The following METTL8 variants were observed in gnomAD, a reference collection of about 807,000 sequenced individuals.
METTL8 encodes the protein tRNA N(3)-cytidine methyltransferase METTL8, mitochondrial.
METTL8 carries 32 observed loss-of-function variants against 48.7 expected under a neutral mutation model. The ratio of observed to expected loss-of-function variants is 0.66; its 90% CI spans 0.50 to 0.88. The LOEUF is 0.88. METTL8 is among the 40% of genes least tolerant of loss of function. METTL8 has a pLI of 0.00. For synonymous variants in METTL8, 136 were observed against 157.1 expected, an observed-to-expected ratio of 0.87 and a Z score of 1.01; for missense variants, 464 against 474.4, an observed-to-expected ratio of 0.98 and a Z score of 0.20.
At chr2:171,336,270 T>C (rs1213693635) in intron 5 of METTL8, among the ~76,000 whole-genome samples, 1 of 151,380 alleles carries the variant, frequency 6.6e-6, no homozygotes. Flanking sequence ...TAATTTTTTG[T>C]ATTTTTAGTA....
chr2:171,395,242 G>A (rs142812900), intron 1 of METTL8, among the ~76,000 whole-genome samples: 30 of 152,142 alleles, frequency 2.0e-4, no homozygotes, highest in African/African-American at 7.2e-4. Context: ...AACACAAAGA[G>A]GTACAGTTTA....
chr2:171,392,246 T>C, intron 1 of METTL8, 49 bp from the exon 2 acceptor site: 1 of 1,451,608 alleles, frequency 6.9e-7, no homozygotes, highest in Admixed American at 2.2e-5. Flanking sequence ...AAACAGTGTA[T>C]TGTTTATCTA....
chr2:171,368,768 G>T (rs1685981333), intron 2 of METTL8, among the ~76,000 whole-genome samples: 1 of 152,128 alleles, frequency 6.6e-6, no homozygotes, highest in Non-Finnish European at 1.5e-5. Flanking sequence ...CAGGCCCTGT[G>T]GAGCAGTCTT....
chr2:171,398,295 A>G (rs1437252990), intron 1 of METTL8, among the ~76,000 whole-genome samples: 2 of 152,224 alleles, frequency 1.3e-5, no homozygotes, highest in African/African-American at 4.8e-5. Flanking sequence ...ACATACATAT[A>G]TATGTACAAT....
intron 1 of METTL8, among the ~76,000 whole-genome samples, chr2:171,407,838 A>C (rs1474206951): frequency 6.6e-6 from 1 of 152,240 alleles, no homozygotes; most frequent in East Asian, 1.9e-4. Context: ...GCACAGATGT[A>C]ATACATAAAT....
chr2:171,343,021 AT>A (rs1384044075), intron 3 of METTL8, among the ~76,000 whole-genome samples: 1 of 152,210 alleles, frequency 6.6e-6, no homozygotes, highest in Non-Finnish European at 1.5e-5. Flanking sequence ...TAAAAAAAAA[AT>A]GTGTGTATAG....
intron 2 of METTL8, among the ~76,000 whole-genome samples, chr2:171,365,488 G>A (rs1356517147): frequency 1.3e-5 from 2 of 152,112 alleles, no homozygotes; most frequent in Non-Finnish European, 2.9e-5. Flanking sequence ...GCTCAGGGCC[G>A]TGAGCAAGCC....
At chr2:171,338,777 A>G (rs1392692327) in intron 4 of METTL8, among the ~76,000 whole-genome samples, 1 of 152,156 alleles carries the variant, frequency 6.6e-6, no homozygotes, top group Non-Finnish European at 1.5e-5. Flanking sequence ...TAAAATAAGA[A>G]AGACAGGGTT....
chr2:171,389,345 C>A (rs900853913), intron 2 of METTL8, among the ~76,000 whole-genome samples: 2 of 151,700 alleles, frequency 1.3e-5, no homozygotes, highest in East Asian at 3.9e-4. Flanking sequence ...CATGGTGAAA[C>A]CCCATCTCTA....
intron 9 of METTL8, 63 bp downstream of exon 9, chr2:171,325,778 C>T: frequency 1.0e-6 from 1 of 991,642 alleles, no homozygotes; most frequent in South Asian, 1.5e-5. Flanking sequence ...GAGCTATAAT[C>T]AATGAGATAA....
chr2:171,333,129 G>A (rs1685724276), intron 5 of METTL8, among the ~76,000 whole-genome samples: 2 of 142,254 alleles, frequency 1.4e-5, no homozygotes, highest in South Asian at 2.2e-4. Context: ...CCAGAGTTTC[G>A]CTCTTGTTGC....
At chr2:171,397,371 A>AAAC (rs1689185367) in intron 1 of METTL8, among the ~76,000 whole-genome samples, 2 of 146,790 alleles carry the variant, frequency 1.4e-5, no homozygotes, top group Non-Finnish European at 3.0e-5. Context: ...AAAAAAAAAA[A>AAAC]AAAAAAAACA....
chr2:171,379,609 A>C (rs1203705586), intron 2 of METTL8, among the ~76,000 whole-genome samples: 1 of 152,250 alleles, frequency 6.6e-6, no homozygotes, highest in Non-Finnish European at 1.5e-5. Flanking sequence ...CTACCATCAG[A>C]GAGTACTATA....
intron 2 of METTL8, among the ~76,000 whole-genome samples, chr2:171,367,046 T>C (rs1236485469): frequency 6.6e-6 from 1 of 151,896 alleles, no homozygotes; most frequent in Non-Finnish European, 1.5e-5. Flanking sequence ...TGTGGGATAA[T>C]ACCAATTGGT....
chr2:171,361,291 C>T (rs1401978895), intron 2 of METTL8, among the ~76,000 whole-genome samples: 1 of 150,444 alleles, frequency 6.6e-6, no homozygotes, highest in Admixed American at 6.6e-5. Context: ...ATAAGCAAAG[C>T]AATTTCCTGG....
chr2:171,347,781 T>C (rs1361470180), intron 3 of METTL8, among the ~76,000 whole-genome samples: 2 of 152,200 alleles, frequency 1.3e-5, no homozygotes, highest in African/African-American at 2.4e-5. Flanking sequence ...GAATGCAATA[T>C]TGGCTGATTT....
At chr2:171,392,942 C>CA (rs34723018) in intron 1 of METTL8, among the ~76,000 whole-genome samples, 32,868 of 133,030 alleles carry the variant, frequency 0.25, 3,864 homozygotes, top group Non-Finnish European at 0.29. Context: ...ACTAAAAATA[C>CA]AAAAAAAAAA....
intron 1 of METTL8, among the ~76,000 whole-genome samples, chr2:171,406,978 C>T (rs1465145760): frequency 1.3e-5 from 2 of 151,914 alleles, no homozygotes; most frequent in Non-Finnish European, 2.9e-5. Context: ...TATTGATTTC[C>T]TCTACTACCT....
At chr2:171,434,304 C>T (rs1693589231), upstream of METTL8, 2 of 617,054 alleles carry the variant, frequency 3.2e-6, no homozygotes, top group African/African-American at 1.8e-5. Context: ...CGCGCGGTAC[C>T]GGAGCGTCGC....
Sources: gnomAD v4.1 joint callset for allele counts (sites outside exome capture counted in the v4.1 genomes callset) on GRCh38, gnomAD v4.1.1 for gene constraint, MANE v1.5 for transcripts, NCBI Gene and HGNC (gene_info 2026-07-23, HGNC 2026-07-21) for gene names.